The following SCUBE1 variants were observed in gnomAD, a reference collection of about 807,000 sequenced individuals.
The protein encoded by SCUBE1 is signal peptide, CUB and EGF-like domain-containing protein 1.
In SCUBE1, 59 loss-of-function variants were observed where a neutral mutation model predicts 124.4. That is an observed-to-expected ratio of 0.47 (90% CI 0.38 to 0.59). SCUBE1 has a LOEUF of 0.59. Among genes scored for constraint, SCUBE1 ranks in the 20% least tolerant of loss-of-function variants. The pLI is 0.00. For missense variants in SCUBE1, 1,150 were observed against 1,371.2 expected (o/e 0.84, Z 2.55); for synonymous variants, 545 against 550.9 (o/e 0.99, Z 0.15).
At position 43,211,179 on chromosome 22, in the gene SCUBE1, G is replaced by A. The variant is rs1402857786; in HGVS notation, c.2222-96C>T. On this transcript the variant is annotated intron_variant, in intron 17 of 21. Coordinates refer to ENST00000360835, the MANE Select transcript of SCUBE1 (RefSeq NM_173050.5). The surrounding 1 kb of genome is among the most constrained non-coding windows in gnomAD (Gnocchi z 4.5). Reference sequence around the variant, plus strand: ...CCCCAGGACCTCTCATGCCCTCGAGGTCTGTTTTGGCACAGAGTTCAAGGC... The same window carrying A: ...CCCCAGGACCTCTCATGCCCTCGAGATCTGTTTTGGCACAGAGTTCAAGGC... 1 of 1,317,060 alleles carries A rather than the reference G, an allele frequency of 7.6e-7. No homozygotes were observed. Among genetic ancestry groups the A allele is most frequent in the African/African-American group, 1.5e-5 (1 of 68,638 alleles). 81.6% of individuals were successfully genotyped at this position (1,317,060 alleles called of 1,614,324 possible).
chr22:43,242,729 G>A (rs12159394), intron 6 of SCUBE1, among the ~76,000 whole-genome samples: 27,042 of 152,180 alleles, frequency 0.18, 3,154 homozygotes, highest in African/African-American at 0.34. Flanking sequence ...GGACCCTGGG[G>A]GCCCTCCAGT....
intron 12 of SCUBE1, among the ~76,000 whole-genome samples, chr22:43,222,335 C>CA (rs909050752): frequency 3.3e-5 from 5 of 152,358 alleles, no homozygotes; most frequent in African/African-American, 1.2e-4. Context: ...TGGCTTGCTC[C>CA]ACCCATACAG....
chr22:43,281,558 C>CCTCAGCCACCCTCCTGTCATCT (rs1569011128), intron 4 of SCUBE1, among the ~76,000 whole-genome samples: 1 of 127,788 alleles, frequency 7.8e-6, no homozygotes, highest in African/African-American at 3.0e-5. Context: ...CTGTCACCTC[C>CCTCAGCCACCCTCCTGTCATCT]CCCTCAGCCA....
chr22:43,214,282 G>C (rs1458803433), intron 15 of SCUBE1, 31 bp from the exon 16 acceptor site: 1 of 1,598,804 alleles, frequency 6.3e-7, no homozygotes, highest in African/African-American at 1.3e-5. Context: ...GGCTGCTGGA[G>C]GCAGAGGTGG....
chr22:43,339,323 T>A, intron 1 of SCUBE1, 88 bp from the exon 2 acceptor site: 1 of 1,340,498 alleles, frequency 7.5e-7, no homozygotes, highest in Non-Finnish European at 1.0e-6. Flanking sequence ...AGCTCTTGCC[T>A]TTGCCCGTCC....
At chr22:43,223,038 AC>A (rs1922160105) in intron 11 of SCUBE1, 58 bp downstream of exon 11, 2 of 1,490,482 alleles carry the variant, frequency 1.3e-6, no homozygotes, top group Non-Finnish European at 1.8e-6. Context: ...CAATGGTGGG[AC>A]CCCAGGGAGG....
chr22:43,225,434 G>T (rs1314805138), intron 10 of SCUBE1, among the ~76,000 whole-genome samples: 1 of 151,814 alleles, frequency 6.6e-6, no homozygotes, highest in Non-Finnish European at 1.5e-5. Context: ...TCACCTAAGT[G>T]TTAGGATCTT....
At chr22:43,299,909 A>G (rs1315278153) in intron 3 of SCUBE1, among the ~76,000 whole-genome samples, 1 of 152,140 alleles carries the variant, frequency 6.6e-6, no homozygotes, top group Non-Finnish European at 1.5e-5. Context: ...GGCTTCCTTC[A>G]CTTAGCATGT....
chr22:43,339,333 CATT>C, intron 1 of SCUBE1, 98 bp from the exon 2 acceptor site: 1 of 1,228,136 alleles, frequency 8.1e-7, no homozygotes, highest in Non-Finnish European at 1.1e-6. Flanking sequence ...TTTGCCCGTC[CATT>C]GATCGGTGGG....
intron 6 of SCUBE1, among the ~76,000 whole-genome samples, chr22:43,241,924 G>A (rs888240534): frequency 6.6e-6 from 1 of 152,234 alleles, no homozygotes; most frequent in African/African-American, 2.4e-5. Flanking sequence ...TCTGGCCTTG[G>A]GCCCGCCCTC....
chr22:43,244,586 G>A (rs1405161498), intron 6 of SCUBE1, among the ~76,000 whole-genome samples: 1 of 152,266 alleles, frequency 6.6e-6, no homozygotes, highest in Non-Finnish European at 1.5e-5. Flanking sequence ...AGGAGGCAGT[G>A]TGGTGCTGCG....
chr22:43,244,091 G>A (rs1260500604), intron 6 of SCUBE1, among the ~76,000 whole-genome samples: 1 of 152,088 alleles, frequency 6.6e-6, no homozygotes, highest in Non-Finnish European at 1.5e-5. Context: ...GGAGTGGCGG[G>A]GGGCATGAAA....
chr22:43,301,977 C>T (rs1387646930), intron 3 of SCUBE1, among the ~76,000 whole-genome samples: 2 of 152,222 alleles, frequency 1.3e-5, no homozygotes, highest in East Asian at 3.9e-4. Context: ...TGAGGCCCTG[C>T]AGCCCCAGGA....
intron 4 of SCUBE1, chr22:43,282,059 C>G (rs116484013): frequency 1.3e-5 from 2 of 153,134 alleles, no homozygotes; most frequent in African/African-American, 4.8e-5. Context: ...ACCCAGGCAT[C>G]GGGAGCAGCT....
In SCUBE1 at chr22:43,234,716, G is replaced by T. The variant is rs992290257; in HGVS notation, c.845-2841C>A. On this transcript the variant is annotated intron_variant, in intron 7 of 21. Transcript: ENST00000360835. The surrounding 1 kb of genome is among the most constrained non-coding windows in gnomAD (Gnocchi z 4.4). ...TTCCCACCCCACCGCCCCACACCAG[G>T]CAGCCAGCACCACCTTCCGCACACA... Among the ~76,000 whole-genome samples, 1 of 152,094 alleles carries T rather than the reference G, an allele frequency of 6.6e-6. No homozygotes were observed. Among genetic ancestry groups the T allele is most frequent in the Non-Finnish European group, 1.5e-5 (1 of 67,990 alleles).
intron 10 of SCUBE1, among the ~76,000 whole-genome samples, chr22:43,225,092 G>T (rs1356636570): frequency 6.6e-6 from 1 of 152,064 alleles, no homozygotes; most frequent in Non-Finnish European, 1.5e-5. Context: ...TCTGCCACTG[G>T]TATACCTTGG....
At chr22:43,332,178 C>T (rs1926924449) in intron 2 of SCUBE1, among the ~76,000 whole-genome samples, 1 of 152,152 alleles carries the variant, frequency 6.6e-6, no homozygotes, top group South Asian at 2.1e-4. Context: ...GTCCCAGGTA[C>T]TTGGGAGGCT....
chr22:43,266,018 T>C (rs1924050137), intron 4 of SCUBE1, among the ~76,000 whole-genome samples: 1 of 152,102 alleles, frequency 6.6e-6, no homozygotes, highest in African/African-American at 2.4e-5. Context: ...GAAGAATTGC[T>C]TGAACTCAGG....
chr22:43,310,284 A>C (rs996694318), intron 3 of SCUBE1, among the ~76,000 whole-genome samples: 1 of 151,668 alleles, frequency 6.6e-6, no homozygotes, highest in African/African-American at 2.4e-5. Flanking sequence ...CCTCCCTCTC[A>C]CTGGGGCTTC....
Sources: gnomAD v4.1 joint callset for allele counts (sites outside exome capture counted in the v4.1 genomes callset) on GRCh38, gnomAD v4.1.1 for gene constraint, Gnocchi (gnomAD v3.1) non-coding constraint, MANE v1.5 for transcripts, NCBI Gene and HGNC (gene_info 2026-07-23, HGNC 2026-07-21) for gene names.